The following RSU1 variants were observed in gnomAD, a reference collection of about 807,000 sequenced individuals.
The protein encoded by RSU1 is Ras suppressor protein 1.
A neutral mutation model predicts 31.1 loss-of-function variants in RSU1; 26 were observed. The ratio of observed to expected loss-of-function variants is 0.84; its 90% CI spans 0.61 to 1.16. RSU1 has a LOEUF of 1.16. RSU1 is among the 50% of genes most tolerant of loss of function. RSU1 has a pLI of 0.00. For synonymous variants in RSU1, 164 were observed against 136.3 expected, an observed-to-expected ratio of 1.20 and a Z score of -1.41; for missense variants, 320 against 339.1, an observed-to-expected ratio of 0.94 and a Z score of 0.44.
chr10:16,622,949 A>C (rs1834094761), intron 8 of RSU1, among the ~76,000 whole-genome samples: 1 of 152,220 alleles, frequency 6.6e-6, no homozygotes, highest in South Asian at 2.1e-4. Context: ...AGAGAGCTGC[A>C]TGTGAGACTA....
chr10:16,685,061 A>C (rs1420799685), intron 8 of RSU1, among the ~76,000 whole-genome samples: 1 of 152,172 alleles, frequency 6.6e-6, no homozygotes, highest in Non-Finnish European at 1.5e-5. Context: ...CAGTCTGGCC[A>C]ACATGGCAAA....
intron 7 of RSU1, among the ~76,000 whole-genome samples, chr10:16,722,838 ATG>A (rs1463161347): frequency 1.7e-5 from 2 of 115,430 alleles, no homozygotes; most frequent in Admixed American, 9.6e-5. Flanking sequence ...AGCCACATAT[ATG>A]TATATATACA....
rs1020437340 is a variant in RSU1 at position 16,707,181 on chromosome 10, T to A, written c.599-12026A>T. 2.6e-5 allele frequency among the ~76,000 whole-genome samples: 4 copies of A among 152,374 alleles called. No homozygotes were observed. In the East Asian group the frequency reaches 7.7e-4, roughly 29 times the overall value. ...TAGGTTGATTACGTATCTTAGTTAT[T>A]GTAAACAGTGCTGCAATAAACATGG... On this transcript the variant is annotated intron_variant, in intron 7 of 8. Coordinates refer to ENST00000345264, the MANE Select transcript of RSU1 (RefSeq NM_012425.4).
intron 7 of RSU1, among the ~76,000 whole-genome samples, chr10:16,727,931 A>T (rs1836430955): frequency 6.6e-6 from 1 of 152,132 alleles, no homozygotes; most frequent in Non-Finnish European, 1.5e-5. Flanking sequence ...CACCACCACA[A>T]ACTTAAAAAA....
intron 8 of RSU1, among the ~76,000 whole-genome samples, chr10:16,594,675 T>C (rs1297603376): frequency 8.0e-6 from 1 of 125,086 alleles, no homozygotes; most frequent in Non-Finnish European, 1.5e-5. Flanking sequence ...ATCTATATCA[T>C]ATATTATCTG....
chr10:16,766,438 G>A (rs1016381863), intron 3 of RSU1, among the ~76,000 whole-genome samples: 6 of 152,300 alleles, frequency 3.9e-5, no homozygotes, highest in East Asian at 1.9e-4. Context: ...CACCAGGGCC[G>A]GGAGCGGTGG....
chr10:16,790,437 C>T (rs369314136), intron 2 of RSU1, among the ~76,000 whole-genome samples: 44 of 152,252 alleles, frequency 2.9e-4, no homozygotes, highest in African/African-American at 9.1e-4. Flanking sequence ...ATCATGGACA[C>T]TGAGAGGTGG....
At chr10:16,646,619 C>T (rs936022819) in intron 8 of RSU1, among the ~76,000 whole-genome samples, 15 of 152,206 alleles carry the variant, frequency 9.9e-5, no homozygotes, top group African/African-American at 2.9e-4. Flanking sequence ...TGTATGTCAC[C>T]GAGGCAGGGC....
intron 2 of RSU1, among the ~76,000 whole-genome samples, chr10:16,808,220 G>A (rs934735744): frequency 5.9e-5 from 9 of 151,914 alleles, no homozygotes; most frequent in African/African-American, 1.9e-4. Context: ...GCTCACACCT[G>A]TAATCCCAAC....
chr10:16,628,738 T>C (rs1416973617), intron 8 of RSU1, among the ~76,000 whole-genome samples: 1 of 152,240 alleles, frequency 6.6e-6, no homozygotes, highest in Non-Finnish European at 1.5e-5. Flanking sequence ...GCCCTGTAGT[T>C]TAGCCGAACA....
intron 8 of RSU1, among the ~76,000 whole-genome samples, chr10:16,654,993 A>G (rs568004534): frequency 6.6e-6 from 1 of 151,156 alleles, no homozygotes; most frequent in Admixed American, 6.6e-5. Context: ...GAGCCCAGGA[A>G]ATCGAGGCTG....
chr10:16,715,912 T>A (rs1213190854), intron 7 of RSU1, among the ~76,000 whole-genome samples: 1 of 152,230 alleles, frequency 6.6e-6, no homozygotes, highest in Non-Finnish European at 1.5e-5. Flanking sequence ...ACTTCACTAA[T>A]AGGTCAGAAC....
intron 8 of RSU1, among the ~76,000 whole-genome samples, chr10:16,622,617 A>G (rs935312320): frequency 6.6e-6 from 1 of 152,222 alleles, no homozygotes; most frequent in African/African-American, 2.4e-5. Context: ...ATGGGAAAAA[A>G]AATGTTGAAT....
At chr10:16,681,170 A>G (rs752645533) in intron 8 of RSU1, among the ~76,000 whole-genome samples, 3 of 152,258 alleles carry the variant, frequency 2.0e-5, no homozygotes, top group Non-Finnish European at 4.4e-5. Context: ...GGTTGTAAAT[A>G]TAACGCACAA....
chr10:16,694,418 T>C (rs1336799381), intron 8 of RSU1, among the ~76,000 whole-genome samples: 2 of 152,128 alleles, frequency 1.3e-5, no homozygotes, highest in African/African-American at 2.4e-5. Context: ...AGAAAAAAAA[T>C]ATGTTCTGAT....
intron 8 of RSU1, among the ~76,000 whole-genome samples, chr10:16,603,259 T>C (rs540266768): frequency 2.0e-5 from 3 of 152,234 alleles, no homozygotes; most frequent in Admixed American, 2.0e-4. Flanking sequence ...ATATGAAAAA[T>C]AGGCTATAAT....
chr10:16,811,822 A>G (rs1046911277), intron 2 of RSU1, among the ~76,000 whole-genome samples: 1 of 152,208 alleles, frequency 6.6e-6, no homozygotes, highest in African/African-American at 2.4e-5. Context: ...TCCCTTAGCC[A>G]ACCTGAATCT....
At chr10:16,609,475 C>A (rs1438134941) in intron 8 of RSU1, among the ~76,000 whole-genome samples, 1 of 152,194 alleles carries the variant, frequency 6.6e-6, no homozygotes, top group Non-Finnish European at 1.5e-5. Flanking sequence ...CTGGAAGGTG[C>A]TAGAGCATGC....
rs1197047855 is a variant in RSU1 at position 16,595,475 on chromosome 10, C to T, written c.732-1979G>A. ...CCAGAGACAGACCTACGAGCCGGAG[C>T]GTGCACATCCAGCCAGGTGCTGGGA... is the stretch of plus-strand genomic sequence containing the variant. On this transcript the variant is annotated intron_variant, in intron 8 of 8. Coordinates refer to ENST00000345264, the MANE Select transcript of RSU1 (RefSeq NM_012425.4). Among the ~76,000 whole-genome samples, 6 of 152,296 alleles carry T rather than the reference C, an allele frequency of 3.9e-5. No individual in the cohort carries two copies. In the East Asian group the frequency reaches 7.7e-4, roughly 20 times the overall value.
Sources: allele counts gnomAD v4.1 joint callset (sites outside exome capture counted in the v4.1 genomes callset), GRCh38; gene constraint gnomAD v4.1.1; transcripts MANE v1.5; gene names NCBI Gene and HGNC (gene_info 2026-07-23, HGNC 2026-07-21).